CUX1: variants seen among roughly 807,000 people sequenced by gnomAD.
CUX1 encodes cut like homeobox 1.
A neutral mutation model predicts 158.8 loss-of-function variants in CUX1; 31 were observed. The ratio of observed to expected loss-of-function variants is 0.20; its 90% CI spans 0.15 to 0.26. CUX1 has a LOEUF of 0.26. Ranked by LOEUF, CUX1 falls within the 10% of genes least tolerant of loss-of-function variation. The pLI is 1.00. For synonymous variants in CUX1, 879 were observed against 862.1 expected, an observed-to-expected ratio of 1.02 and a Z score of -0.34; for missense variants, 1,589 against 2,014.6, an observed-to-expected ratio of 0.79 and a Z score of 4.04.
At chr7:102,199,980 C>T (rs1437304089) in intron 16 of CUX1, 91 bp from the exon 17 acceptor site, 7 of 1,070,252 alleles carry the variant, frequency 6.5e-6, no homozygotes, top group South Asian at 1.6e-5. Flanking sequence ...AGCCCCCACC[C>T]GGGGCTATAT....
At chr7:101,962,867 T>G (rs1810687202) in intron 2 of CUX1, among the ~76,000 whole-genome samples, 1 of 152,016 alleles carries the variant, frequency 6.6e-6, no homozygotes, top group Admixed American at 6.6e-5. Context: ...ACTGCAGGTG[T>G]GCACCACTGC....
At chr7:101,816,849 C>CGCCGCCCCCGGCT (rs1356775399), upstream of CUX1, 4 of 933,928 alleles carry the variant, frequency 4.3e-6, no homozygotes, top group Non-Finnish European at 5.1e-6. Flanking sequence ...CGGCCCCGGC[C>CGCCGCCCCCGGCT]GCCGCCCCCG....
At position 101,978,512 on chromosome 7, in the gene CUX1, A is replaced by C. The variant is rs183609947; in HGVS notation, c.142-49586A>C. ...CCACTGTCATGGCCACCCCACCACCACTTCCGTTCTTGGCTGCCTTCTGTC... is the reference window on the plus strand; with the variant it reads ...CCACTGTCATGGCCACCCCACCACCCCTTCCGTTCTTGGCTGCCTTCTGTC... On this transcript the variant is annotated intron_variant, in intron 2 of 23. Transcript: ENST00000292535. Among the ~76,000 whole-genome samples, 17 of 151,978 alleles carry C rather than the reference A, an allele frequency of 1.1e-4. No homozygotes were observed. The East Asian group carries it at 2.9e-3, about 26-fold the overall frequency.
intron 1 of CUX1, among the ~76,000 whole-genome samples, chr7:101,864,319 C>G (rs1002414625): frequency 6.6e-6 from 1 of 151,978 alleles, no homozygotes; most frequent in Non-Finnish European, 1.5e-5. Context: ...CACCACCACA[C>G]CCCGCTAATT....
In CUX1 at chr7:102,201,736, G is replaced by A. The variant is rs1387111687; in HGVS notation, c.2439G>A (p.Glu813=). The stretch of plus-strand genomic sequence containing the variant: ...GGGTCCTGAGACAGGTGAAAAATGA[G>A]GTGGGCCGCAGCGGTGCCTGGAAGG... ...AQGVLRQVKN[E]VGRSGAWKDH... The change falls in exon 18 of 24, where the codon GAG becomes GAA. Residue 813 remains glutamate (E), a synonymous_variant. Transcript: ENST00000292535. The surrounding 1 kb of genome is among the most constrained non-coding windows in gnomAD (Gnocchi z 5.0). 3.1e-6 allele frequency: 5 copies of A among 1,612,526 alleles called. No homozygotes were observed. The highest frequency in any genetic ancestry group is 2.7e-5 in the African/African-American group (2 of 74,944).
intron 2 of CUX1, among the ~76,000 whole-genome samples, chr7:101,941,157 C>T (rs910269298): frequency 2.6e-5 from 4 of 152,218 alleles, no homozygotes; most frequent in African/African-American, 4.8e-5. Flanking sequence ...TTCCCGTCAA[C>T]CTGAGCCCTG....
rs1275533163 is a variant in CUX1, at chr7:102,249,322, C to T, written c.*280C>T. ...CCCAGACCCAGCCCGCGGCCTGGAC[C>T]CCTGGACCGCTTTGCGCACTTACCG... On this transcript the variant is annotated 3_prime_UTR_variant, in exon 24 of 24. Transcript: ENST00000292535. 9.8e-7 allele frequency: 1 copy of T among 1,022,816 alleles called. No homozygotes were observed. The highest frequency in any genetic ancestry group is 1.2e-6 in the Non-Finnish European group (1 of 853,818). The allele number at this position is 1,022,816 out of a possible 1,614,324, so 63.4% of individuals were successfully genotyped here.
At chr7:102,272,187 A>G (rs1407724248) in intron 14 of CUX1, among the ~76,000 whole-genome samples, 4 of 152,138 alleles carry the variant, frequency 2.6e-5, no homozygotes, top group African/African-American at 9.7e-5. Context: ...TGACTCATCT[A>G]TAAGGACTTG....
At chr7:102,066,334 T>C (rs1825541246) in intron 3 of CUX1, among the ~76,000 whole-genome samples, 2 of 152,182 alleles carry the variant, frequency 1.3e-5, no homozygotes, top group Non-Finnish European at 2.9e-5. Context: ...CTAATGACCT[T>C]GCCTTACCTT....
rs116981145 is a variant in CUX1, at chr7:101,874,962, C to T, written c.31-41153C>T. Among the ~76,000 whole-genome samples, 577 of 152,278 alleles carry T rather than the reference C, an allele frequency of 3.8e-3. 2 individuals are homozygous for T. Among genetic ancestry groups the T allele is most frequent in the Non-Finnish European group, 6.0e-3 (408 of 68,024 alleles). On this transcript the variant is annotated intron_variant, in intron 1 of 23. Transcript: ENST00000292535. ...ACCGCTGCTGTTAGACCTCATTCCACCCCTTTAGTGGGGACCCACCGCGCG... is the reference window on the plus strand; with the variant it reads ...ACCGCTGCTGTTAGACCTCATTCCATCCCTTTAGTGGGGACCCACCGCGCG...
At chr7:102,117,469 C>G (rs1002308842) in intron 8 of CUX1, among the ~76,000 whole-genome samples, 2 of 145,612 alleles carry the variant, frequency 1.4e-5, no homozygotes, top group South Asian at 4.4e-4. Flanking sequence ...GCTCATAGTA[C>G]CGGCAGGGTT....
At chr7:102,076,837 C>T (rs1463382413) in intron 4 of CUX1, among the ~76,000 whole-genome samples, 1 of 151,910 alleles carries the variant, frequency 6.6e-6, no homozygotes, top group Non-Finnish European at 1.5e-5. Flanking sequence ...GGTTGAAGAC[C>T]AGCCTGGGCA....
chr7:102,228,838 C>T (rs1470051540), intron 21 of CUX1, among the ~76,000 whole-genome samples: 2 of 152,142 alleles, frequency 1.3e-5, no homozygotes, highest in African/African-American at 4.8e-5. Context: ...GCCTGGCATC[C>T]TCGGGGCTCC....
At chr7:102,081,443 C>A (rs1003992568) in intron 4 of CUX1, among the ~76,000 whole-genome samples, 3 of 146,418 alleles carry the variant, frequency 2.0e-5, no homozygotes, top group Admixed American at 6.9e-5. Context: ...TGAGTGAGTT[C>A]TCACGAGATC....
intron 3 of CUX1, 96 bp from the exon 4 acceptor site, chr7:102,070,243 C>A: frequency 4.8e-6 from 5 of 1,031,616 alleles, no homozygotes; most frequent in Non-Finnish European, 7.2e-6. Flanking sequence ...ATCTCCCTTG[C>A]TACGGGAATT....
chr7:102,058,701 A>G (rs550082712), intron 3 of CUX1, among the ~76,000 whole-genome samples: 2 of 152,208 alleles, frequency 1.3e-5, no homozygotes, highest in East Asian at 1.9e-4. Context: ...TACATCTACA[A>G]TTTTTTTATT....
intron 2 of CUX1, among the ~76,000 whole-genome samples, chr7:101,962,085 T>C (rs1810569282): frequency 6.6e-6 from 1 of 152,182 alleles, no homozygotes; most frequent in Admixed American, 6.5e-5. Flanking sequence ...TTCTGTGCTT[T>C]AAACATACTC....
At chr7:102,198,102 A>T (rs1554518865) in intron 15 of CUX1, among the ~76,000 whole-genome samples, 1 of 152,156 alleles carries the variant, frequency 6.6e-6, no homozygotes, top group African/African-American at 2.4e-5. Context: ...CTACAAAAAA[A>T]TCAAAAGGTT....
intron 8 of CUX1, among the ~76,000 whole-genome samples, chr7:102,133,944 T>C (rs1554498096): frequency 1.3e-5 from 2 of 152,152 alleles, no homozygotes; most frequent in African/African-American, 4.8e-5. Context: ...ACAAACGCTG[T>C]TTGGATTCAT....
Sources: allele counts gnomAD v4.1 joint callset (sites outside exome capture counted in the v4.1 genomes callset), GRCh38; gene constraint gnomAD v4.1.1; non-coding constraint Gnocchi (gnomAD v3.1); transcripts MANE v1.5; gene names NCBI Gene and HGNC (gene_info 2026-07-23, HGNC 2026-07-21).